Variants in TRANK1 observed in about 807,000 individuals in gnomAD.
TRANK1 encodes the protein tetratricopeptide repeat and ankyrin repeat containing 1.
TRANK1 carries 198 observed loss-of-function variants against 266.0 expected under a neutral mutation model. The ratio of observed to expected loss-of-function variants is 0.74; its 90% confidence interval spans 0.66 to 0.84. TRANK1 has a LOEUF of 0.84. Among genes scored for constraint, TRANK1 ranks in the 40% least tolerant of loss-of-function variants. The pLI is 0.00. For missense variants in TRANK1, 3,326 were observed against 3,634.6 expected (o/e 0.92, Z 2.18); for synonymous variants, 1,396 against 1,384.1 (o/e 1.01, Z -0.19).
rs74844299 is a variant in TRANK1 at position 36,838,919 on chromosome 3, G to A, written c.5281-203C>T. On this transcript the variant is annotated intron_variant, in intron 18 of 23. Transcript: ENST00000645898. ...AACCCAACAGTATTCACATTCAGTG[G>A]TATCTTTTGGAAGCACCCGTCGAAA... 6.9e-3 allele frequency among the ~76,000 whole-genome samples: 1,056 copies of A among 152,284 alleles called. 11 individuals are homozygous for A. The highest frequency in any genetic ancestry group is 0.024 in the African/African-American group (1,014 of 41,556).
chr3:36,855,223 C>T lies in TRANK1; in HGVS notation c.4499G>A (p.Arg1500Gln), dbSNP rs1468040620. 1.9e-6 allele frequency: 3 copies of T among 1,613,896 alleles called. No individual in the cohort carries two copies. The highest frequency in any genetic ancestry group is 1.6e-4 in the Middle Eastern group (1 of 6,062). Reference sequence around the variant, plus strand: ...CAGCTGGTGGATCTTCTTGGGCTTCCGGACAGCACACTGCTTGTCTATGGT... The same window carrying T: ...CAGCTGGTGGATCTTCTTGGGCTTCTGGACAGCACACTGCTTGTCTATGGT... ...RNTIDKQCAV[R>Q]KPKKIHQLYQ... The change falls in exon 13 of 24, where the codon CGG (arginine) becomes CAG (glutamine). Residue 1500 changes from arginine (R) to glutamine (Q), a missense_variant. By Grantham distance (43) the Arg-to-Gln change is conservative. Coordinates refer to ENST00000645898, the MANE Select transcript of TRANK1 (RefSeq NM_001329998.2).
chr3:36,903,119 T>A, intron 3 of TRANK1, 30 bp downstream of exon 3: 1 of 1,530,012 alleles, frequency 6.5e-7, no homozygotes, highest in Non-Finnish European at 8.8e-7. Context: ...TCAAGTCATC[T>A]CCCCACACCT....
chr3:36,846,459 T>G, intron 16 of TRANK1, 55 bp from the exon 17 acceptor site: 1 of 1,552,270 alleles, frequency 6.4e-7, no homozygotes. Context: ...AGCTACAAAG[T>G]GACACACTTC....
intron 1 of TRANK1, among the ~76,000 whole-genome samples, chr3:36,933,785 T>C (rs777333856): frequency 4.6e-5 from 7 of 152,246 alleles, no homozygotes; most frequent in Non-Finnish European, 8.8e-5. Flanking sequence ...ATAGCCCTAG[T>C]ATTTGTCTGT....
chr3:36,834,168 T>C (rs1192931334), intron 21 of TRANK1, among the ~76,000 whole-genome samples: 1 of 152,272 alleles, frequency 6.6e-6, no homozygotes, highest in Admixed American at 6.5e-5. Flanking sequence ...TGAAATATAG[T>C]GGAGGTGTAA....
intron 8 of TRANK1, among the ~76,000 whole-genome samples, chr3:36,888,926 C>A (rs1330719138): frequency 6.6e-6 from 1 of 152,102 alleles, no homozygotes; most frequent in Non-Finnish European, 1.5e-5. Flanking sequence ...TGCCTGTAAT[C>A]CCAACTACTC....
At chr3:36,884,482 T>A (rs192025883) in intron 8 of TRANK1, among the ~76,000 whole-genome samples, 2 of 152,244 alleles carry the variant, frequency 1.3e-5, no homozygotes, top group African/African-American at 4.8e-5. Context: ...TCTGAAGGAG[T>A]GCCTTATGGC....
chr3:36,858,314 T>A (rs576662747), intron 12 of TRANK1, among the ~76,000 whole-genome samples: 1 of 152,290 alleles, frequency 6.6e-6, no homozygotes, highest in East Asian at 1.9e-4. Context: ...CCAGGGATGC[T>A]GCTAAATATC....
At chr3:36,840,581 T>G (rs114228512) in intron 18 of TRANK1, among the ~76,000 whole-genome samples, 237 of 152,326 alleles carry the variant, frequency 1.6e-3, no homozygotes, top group African/African-American at 5.6e-3. Context: ...GCAACAGAAT[T>G]CAGCAGAAGC....
chr3:36,938,603 T>C (rs2080455942), intron 1 of TRANK1, among the ~76,000 whole-genome samples: 1 of 152,154 alleles, frequency 6.6e-6, no homozygotes, highest in South Asian at 2.1e-4. Context: ...CTGTGGACTT[T>C]GGCCAGGCTG....
At chr3:36,924,862 C>G (rs965520780) in intron 1 of TRANK1, among the ~76,000 whole-genome samples, 1 of 152,230 alleles carries the variant, frequency 6.6e-6, no homozygotes, top group African/African-American at 2.4e-5. Flanking sequence ...AAGGAGCCCC[C>G]CCGGACAGAA....
chr3:36,860,553 T>C (rs762785693), intron 11 of TRANK1, among the ~76,000 whole-genome samples: 1 of 152,232 alleles, frequency 6.6e-6, no homozygotes, highest in Non-Finnish European at 1.5e-5. Flanking sequence ...GTATATCCAC[T>C]GCAAGTCAAA....
chr3:36,909,688 G>A (rs2080024238), intron 1 of TRANK1, among the ~76,000 whole-genome samples: 1 of 152,134 alleles, frequency 6.6e-6, no homozygotes, highest in Admixed American at 6.6e-5. Context: ...AGGGGTCAGA[G>A]GGGGAAACAG....
intron 1 of TRANK1, among the ~76,000 whole-genome samples, chr3:36,941,405 C>T (rs9311145): frequency 0.04 from 6,091 of 152,252 alleles, 424 homozygotes; most frequent in African/African-American, 0.14. Flanking sequence ...GAGCACAGGG[C>T]AGGTACTGTG....
At chr3:36,873,776 T>C (rs2079343956) in intron 9 of TRANK1, among the ~76,000 whole-genome samples, 1 of 152,100 alleles carries the variant, frequency 6.6e-6, no homozygotes, top group South Asian at 2.1e-4. Flanking sequence ...TTGGCCATAA[T>C]TGTTTCTAAG....
chr3:36,918,398 T>C (rs2080155679), intron 1 of TRANK1, among the ~76,000 whole-genome samples: 1 of 151,214 alleles, frequency 6.6e-6, no homozygotes, highest in Non-Finnish European at 1.5e-5. Flanking sequence ...AAACTATGTT[T>C]TGTGTTTTTT....
chr3:36,889,734 A>T (rs2079659445), intron 8 of TRANK1, 95 bp downstream of exon 8: 5 of 1,424,574 alleles, frequency 3.5e-6, no homozygotes, highest in East Asian at 5.1e-5. Context: ...CCAGCTAGGG[A>T]TAGAATGGGT....
intron 11 of TRANK1, among the ~76,000 whole-genome samples, chr3:36,859,834 C>T (rs966788512): frequency 1.3e-5 from 2 of 152,172 alleles, no homozygotes; most frequent in African/African-American, 2.4e-5. Flanking sequence ...TAACACTCCA[C>T]TTAAGGAAGG....
At position 36,928,685 on chromosome 3, in the gene TRANK1, A is replaced by G. The variant is rs190586038; in HGVS notation, c.23+16102T>C. ...GGTAATAAGAAGAACATTAATTTTG[A>G]AAAGTATACATGTAATTCTCATAGG... is the stretch of plus-strand genomic sequence containing the variant. On this transcript the variant is annotated intron_variant, in intron 1 of 23. Coordinates refer to ENST00000645898, the MANE Select transcript of TRANK1 (RefSeq NM_001329998.2). Among the ~76,000 whole-genome samples, 239 of 152,354 alleles carry G rather than the reference A, an allele frequency of 1.6e-3. 1 individual carries two copies. The highest frequency in any genetic ancestry group is 2.7e-3 in the Non-Finnish European group (184 of 68,034).
Sources: gnomAD v4.1 joint callset for allele counts (sites outside exome capture counted in the v4.1 genomes callset) on GRCh38, gnomAD v4.1.1 for gene constraint, MANE v1.5 for transcripts, NCBI Gene and HGNC (gene_info 2026-07-23, HGNC 2026-07-21) for gene names.